Variants in KLHL13 observed in about 807,000 individuals in gnomAD.
KLHL13 encodes the protein kelch like family member 13.
A neutral mutation model predicts 37.1 loss-of-function variants in KLHL13; 10 were observed. That is an observed-to-expected ratio of 0.27 (90% confidence interval 0.17 to 0.46). KLHL13 has a LOEUF of 0.46. Among genes scored for constraint, KLHL13 ranks in the 20% least tolerant of loss-of-function variants. The pLI is 1.00. For synonymous variants in KLHL13, 163 were observed against 181.2 expected, an observed-to-expected ratio of 0.90 and a Z score of 0.81; for missense variants, 360 against 509.3, an observed-to-expected ratio of 0.71 and a Z score of 2.82.
At chrX:117,936,584 G>A (rs1477241954) in intron 2 of KLHL13, among the ~76,000 whole-genome samples, 1 of 111,108 alleles carries the variant, frequency 9.0e-6, no homozygotes, top group Non-Finnish European at 1.9e-5. Context: ...TCATCCATCT[G>A]CCCAATCTTA....
Position 117,963,889 on chromosome X carries a change from G to A in KLHL13, c.98+8842C>T, listed in dbSNP as rs771425799. On this transcript the variant is annotated intron_variant, in intron 1 of 6. Transcript: ENST00000262820. The stretch of plus-strand genomic sequence containing the variant: ...AAAAAATGATGAGTTCATGTCCTTT[G>A]TAGGGACATGGATGAAATTGGAAAC... Among the ~76,000 whole-genome samples the A allele has an allele frequency of 5.6e-3, 580 of 102,733 alleles. 6 individuals are homozygous for A. Among genetic ancestry groups the A allele is most frequent in the African/African-American group, 0.02 (555 of 28,017 alleles). The allele number at this position is 102,733 out of a possible 115,157, so 89.2% of individuals were successfully genotyped here.
intron 2 of KLHL13, 99 bp from the exon 4 acceptor site, chrX:117,920,469 T>C (rs1931629780): frequency 8.1e-6 from 7 of 860,699 alleles, no homozygotes; most frequent in Non-Finnish European, 1.1e-5. Flanking sequence ...GTGCAACATA[T>C]GTGGAACATA....
chrX:118,002,802 T>G (rs2053939701), intron 1 of KLHL13, among the ~76,000 whole-genome samples: 1 of 110,688 alleles, frequency 9.0e-6, no homozygotes. Flanking sequence ...TATTTCAAAA[T>G]ATAAATAATT....
At chrX:118,104,092 T>G (rs1009839419) in intron 1 of KLHL13, among the ~76,000 whole-genome samples, 1 of 103,660 alleles carries the variant, frequency 9.6e-6, no homozygotes, top group Admixed American at 1.1e-4. Context: ...CATGGTGATG[T>G]GCGCCTGTGT....
rs769117303 is a variant in KLHL13 at position 118,090,744 on chromosome X, G to C, written c.-56+25764C>G. On this transcript the variant is annotated intron_variant, in intron 1 of 6. Transcript: ENST00000371882. ...GCGATTCCTCAGGGATCTAGAACTAGAAATACCATTTGACCCAGCCATCCC... is the reference window on the plus strand; with the variant it reads ...GCGATTCCTCAGGGATCTAGAACTACAAATACCATTTGACCCAGCCATCCC... Among the ~76,000 whole-genome samples, 1,031 of 109,083 alleles carry C rather than the reference G, an allele frequency of 9.5e-3. 14 individuals carry two copies. Among genetic ancestry groups the C allele is most frequent in the African/African-American group, 0.033 (976 of 29,959 alleles). 94.7% of individuals were successfully genotyped at this position (109,083 alleles called of 115,157 possible).
At chrX:118,116,385 C>T (rs1569321712) in intron 1 of KLHL13, 123 bp downstream of exon 1, 3 of 112,785 alleles carry the variant, frequency 2.7e-5, no homozygotes, top group Admixed American at 9.3e-5. Flanking sequence ...AGCTGTTTCC[C>T]TGCTCCTCTG....
At chrX:117,926,992 G>A (rs1353845180) in intron 2 of KLHL13, among the ~76,000 whole-genome samples, 2 of 90,958 alleles carry the variant, frequency 2.2e-5, no homozygotes, top group Non-Finnish European at 4.2e-5. Flanking sequence ...TGCAACCTCC[G>A]CCTCCCAGGT....
At chrX:118,064,923 C>T (rs1268699560) in intron 1 of KLHL13, among the ~76,000 whole-genome samples, 2 of 111,536 alleles carry the variant, frequency 1.8e-5, no homozygotes, top group Non-Finnish European at 3.8e-5. Flanking sequence ...TGTTGGGTCT[C>T]ATATCTTCCC....
chrX:117,938,451 G>T (rs1360501413), intron 2 of KLHL13, among the ~76,000 whole-genome samples: 2 of 111,064 alleles, frequency 1.8e-5, no homozygotes, highest in Non-Finnish European at 3.8e-5. Context: ...TGTTAGAAAT[G>T]CAAATTCCTG....
At chrX:118,037,871 A>C (rs768316752) in intron 1 of KLHL13, among the ~76,000 whole-genome samples, 1 of 111,989 alleles carries the variant, frequency 8.9e-6, no homozygotes, top group Non-Finnish European at 1.9e-5. Flanking sequence ...AAGAGCCCAG[A>C]CAATGTCTAT....
intron 2 of KLHL13, among the ~76,000 whole-genome samples, chrX:117,930,187 A>AAAGG (rs201117714): frequency 0.092 from 9,364 of 102,180 alleles, 560 homozygotes; most frequent in African/African-American, 0.18. Context: ...GAAAGAAAAG[A>AAAGG]AAGGGAGGGC....
chrX:117,961,287 A>G (rs2053290386), intron 1 of KLHL13, among the ~76,000 whole-genome samples: 2 of 112,305 alleles, frequency 1.8e-5, no homozygotes, highest in Admixed American at 1.9e-4. Context: ...TTAAACTATT[A>G]TAATTTTCAA....
chrX:117,925,640 TA>T (rs1051044198), intron 2 of KLHL13, among the ~76,000 whole-genome samples: 1 of 112,055 alleles, frequency 8.9e-6, no homozygotes, highest in Admixed American at 9.4e-5. Context: ...GCTTAGACTT[TA>T]AAAACGTAAA....
At chrX:117,983,516 G>T in intron 1 of KLHL13, 1 of 1,149,542 alleles carries the variant, frequency 8.7e-7, no homozygotes, top group Non-Finnish European at 1.2e-6. Context: ...CTTGAAATCG[G>T]CTTGTTTTAA....
intron 2 of KLHL13, among the ~76,000 whole-genome samples, chrX:117,941,880 T>C (rs887147019): frequency 5.4e-5 from 6 of 111,630 alleles, no homozygotes; most frequent in Admixed American, 4.8e-4. Flanking sequence ...TGCTAGCTTT[T>C]GAATTTGTTT....
At chrX:117,987,550 G>A (rs1489766630) in intron 1 of KLHL13, among the ~76,000 whole-genome samples, 1 of 111,512 alleles carries the variant, frequency 9.0e-6, no homozygotes, top group Non-Finnish European at 1.9e-5. Flanking sequence ...CAGTAAGTAC[G>A]CAAGCTTTCG....
intron 1 of KLHL13, among the ~76,000 whole-genome samples, chrX:118,022,117 G>T (rs1488183003): frequency 8.9e-6 from 1 of 111,815 alleles, no homozygotes; most frequent in Non-Finnish European, 1.9e-5. Flanking sequence ...GTTCTTTGTA[G>T]ATTCTGGATA....
At position 117,998,712 on chromosome X, in the gene KLHL13, T is replaced by C. The variant is rs754730481; in HGVS notation, c.-55-53137A>G. Among the ~76,000 whole-genome samples the C allele has an allele frequency of 2.4e-3, 265 of 109,992 alleles. 1 individual carries two copies. The highest frequency in any genetic ancestry group is 4.0e-3 in the Non-Finnish European group (213 of 52,719). On this transcript the variant is annotated intron_variant, in intron 1 of 6. Coordinates refer to the KLHL13 transcript ENST00000371882. ...CTCAAAATACACCTTCTGGAAAGTGTCCTACCAGAAATACTCTGCTATAAA... is the reference window on the plus strand; with the variant it reads ...CTCAAAATACACCTTCTGGAAAGTGCCCTACCAGAAATACTCTGCTATAAA...
At chrX:117,969,544 C>G (rs1041838675) in intron 1 of KLHL13, among the ~76,000 whole-genome samples, 11 of 111,512 alleles carry the variant, frequency 9.9e-5, no homozygotes, top group African/African-American at 3.6e-4. Context: ...CTTCAACCTA[C>G]TGTTGAACAG....
Sources: gnomAD v4.1 joint callset for allele counts (sites outside exome capture counted in the v4.1 genomes callset) on GRCh38, gnomAD v4.1.1 for gene constraint, MANE v1.5 for transcripts, NCBI Gene and HGNC (gene_info 2026-07-23, HGNC 2026-07-21) for gene names.